OSBPL9: variants seen among roughly 807,000 people sequenced by gnomAD.
The protein encoded by OSBPL9 is oxysterol binding protein like 9.
A neutral mutation model predicts 106.6 loss-of-function variants in OSBPL9; 40 were observed. That is an observed-to-expected ratio of 0.38 (90% CI 0.29 to 0.49). The LOEUF is 0.49. Ranked by LOEUF, OSBPL9 falls within the 20% of genes least tolerant of loss-of-function variation. The pLI is 0.97. For missense variants in OSBPL9, 609 were observed against 887.2 expected, an observed-to-expected ratio of 0.69 and a Z score of 3.98; for synonymous variants, 269 against 295.4, an observed-to-expected ratio of 0.91 and a Z score of 0.92.
intron 4 of OSBPL9, among the ~76,000 whole-genome samples, chr1:51,738,686 A>C (rs947526616): frequency 6.6e-6 from 1 of 151,996 alleles, no homozygotes; most frequent in Non-Finnish European, 1.5e-5. Flanking sequence ...GAGTTCATCA[A>C]CTTATAGCTT....
At chr1:51,765,562 T>C (rs944936060) in intron 11 of OSBPL9, 7 of 239,616 alleles carry the variant, frequency 2.9e-5, no homozygotes, top group African/African-American at 1.6e-4. Flanking sequence ...CCCTTCCTAG[T>C]ATTAATGATA....
intron 3 of OSBPL9, among the ~76,000 whole-genome samples, chr1:51,674,197 T>A (rs1477031037): frequency 6.6e-6 from 1 of 151,968 alleles, no homozygotes; most frequent in Non-Finnish European, 1.5e-5. Context: ...TAGCTGGAAC[T>A]ACTAAAAAAA....
At chr1:51,683,472 G>A (rs1653061147) in intron 3 of OSBPL9, among the ~76,000 whole-genome samples, 1 of 151,706 alleles carries the variant, frequency 6.6e-6, no homozygotes, top group South Asian at 2.1e-4. Flanking sequence ...GAGCCACTGT[G>A]CCCAGCCGAG....
the OSBPL9 span, among the ~76,000 whole-genome samples, chr1:51,529,272 C>T: frequency 1.1e-4 from 16 of 151,624 alleles, no homozygotes; most frequent in African/African-American, 3.9e-4. Flanking sequence ...AAGAGTCTTG[C>T]TCTGTTGCCC....
chr1:51,581,093 A>T (rs1246948399), intron 1 of OSBPL9, among the ~76,000 whole-genome samples: 4 of 138,570 alleles, frequency 2.9e-5, no homozygotes, highest in East Asian at 4.2e-4. Context: ...TAATTTTTGT[A>T]TTTTTTTTTT....
chr1:51,589,689 C>G (rs997080461), intron 1 of OSBPL9, among the ~76,000 whole-genome samples: 1 of 151,730 alleles, frequency 6.6e-6, no homozygotes, highest in Non-Finnish European at 1.5e-5. Context: ...GTCTGAGAAA[C>G]AACAAGAAAG....
intron 3 of OSBPL9, among the ~76,000 whole-genome samples, chr1:51,703,546 A>C (rs1350102490): frequency 8.5e-5 from 13 of 152,318 alleles, no homozygotes; most frequent in Non-Finnish European, 1.8e-4. Flanking sequence ...TTTTGGGCTG[A>C]GACAATGGGG....
At chr1:51,533,003 A>C in the OSBPL9 span, among the ~76,000 whole-genome samples, 1 of 152,116 alleles carries the variant, frequency 6.6e-6, no homozygotes, top group East Asian at 1.9e-4. Context: ...ATTAAATGGT[A>C]ATTGGTAATT....
intron 1 of OSBPL9, among the ~76,000 whole-genome samples, chr1:51,643,200 CATTA>C (rs1233056913): frequency 6.6e-6 from 1 of 152,078 alleles, no homozygotes; most frequent in Non-Finnish European, 1.5e-5. Context: ...ACAGAGTCCT[CATTA>C]ATCTATTCAT....
rs1036616848 is a variant in OSBPL9 at position 51,617,320 on chromosome 1, G to C, written c.111+99G>C. The C allele has an allele frequency of 4.1e-6, 5 of 1,224,430 alleles. No individual in the cohort carries two copies. In the African/African-American group the frequency reaches 7.6e-5, roughly 19 times the overall value. 75.8% of individuals were successfully genotyped at this position (1,224,430 alleles called of 1,614,324 possible). A position where few individuals can be genotyped will look rare whatever the true frequency, so the allele number is the denominator to read the frequency against. On this transcript the variant is annotated intron_variant, in intron 1 of 23. Coordinates refer to ENST00000428468, the MANE Select transcript of OSBPL9 (RefSeq NM_024586.6). The stretch of plus-strand genomic sequence containing the variant: ...TTAGGTGGCTGAGTTGAGGTTGCTA[G>C]TCTGGGGGTGCCGCCGTACGCGAGG...
chr1:51,725,588 C>T (rs1198271233), intron 4 of OSBPL9, among the ~76,000 whole-genome samples: 3 of 152,154 alleles, frequency 2.0e-5, no homozygotes, highest in East Asian at 1.9e-4. Flanking sequence ...GGAGGGGAAA[C>T]ATTTTCAGTC....
chr1:51,609,735 C>T (rs1044087600), intron 2 of OSBPL9, among the ~76,000 whole-genome samples: 25 of 151,474 alleles, frequency 1.7e-4, no homozygotes, highest in Middle Eastern at 3.4e-3. Context: ...ATCCACTTGC[C>T]GGCTGAATGT....
At chr1:51,697,175 A>G (rs1412832424) in intron 3 of OSBPL9, among the ~76,000 whole-genome samples, 1 of 147,772 alleles carries the variant, frequency 6.8e-6, no homozygotes, top group Non-Finnish European at 1.5e-5. Context: ...AAAAGAAAAA[A>G]AAAAGAAAGA....
chr1:51,595,156 G>A (rs552891433), intron 1 of OSBPL9, among the ~76,000 whole-genome samples: 27 of 152,324 alleles, frequency 1.8e-4, no homozygotes, highest in African/African-American at 6.5e-4. Flanking sequence ...CACCACCGCT[G>A]AGAGCGCCGG....
At chr1:51,518,891 G>A in the OSBPL9 span, among the ~76,000 whole-genome samples, 1 of 151,604 alleles carries the variant, frequency 6.6e-6, no homozygotes, top group African/African-American at 2.4e-5. Flanking sequence ...GAGCCGGCCC[G>A]GCACCGGCAG....
At chr1:51,590,011 G>GC (rs1645265830) in intron 1 of OSBPL9, among the ~76,000 whole-genome samples, 1 of 121,444 alleles carries the variant, frequency 8.2e-6, no homozygotes, top group South Asian at 2.6e-4. Context: ...CCAGCCCAGG[G>GC]AACAGTGTGA....
In OSBPL9 at chr1:51,784,519, A is replaced by G. The variant is rs1189669192; in HGVS notation, c.1766A>G (p.Asn589Ser). ...TGTTCCAAAACAGGCTATAGTGCAA[A>G]TATCATCTTCCACACTAAACCCTTC... is the stretch of plus-strand genomic sequence containing the variant. The part of the protein sequence containing the change: ...INCSKTGYSA[N>S]IIFHTKPFYG... Residue 589 changes from asparagine to serine, a missense_variant, in exon 20 of 24, where the codon AAT becomes AGT. By Grantham distance (46) the Asn-to-Ser change is conservative (BLOSUM62 1). This residue lies in a region of OSBPL9 where 19 missense variants were observed against 60.9 expected (regional missense o/e 0.31). Coordinates refer to ENST00000428468, the MANE Select transcript of OSBPL9 (RefSeq NM_024586.6). 3.1e-6 allele frequency: 5 copies of G among 1,613,594 alleles called. No individual in the cohort carries two copies. The highest frequency in any genetic ancestry group is 4.2e-6 in the Non-Finnish European group (5 of 1,179,602).
chr1:51,787,757 T>C lies in OSBPL9; in HGVS notation c.2179T>C (p.Leu727=), dbSNP rs769929958. 2.0e-5 allele frequency: 33 copies of C among 1,613,454 alleles called. No individual in the cohort carries two copies. Among genetic ancestry groups the C allele is most frequent in the African/African-American group, 6.7e-5 (5 of 74,912 alleles). ...AGAATGCTGGGTTTATGATGAACCA[T>C]TACTGAAACGTCTTGGTGCTGCCAA... is the stretch of plus-strand genomic sequence containing the variant. ...DGECWVYDEP[L]LKRLGAAKH is the part of the protein sequence containing the mutation. The change falls in exon 24 of 24, where the codon TTA becomes CTA. Residue 727 remains leucine, a synonymous_variant. Coordinates refer to ENST00000428468, the MANE Select transcript of OSBPL9 (RefSeq NM_024586.6).
At chr1:51,549,707 C>T in the OSBPL9 span, among the ~76,000 whole-genome samples, 6 of 152,312 alleles carry the variant, frequency 3.9e-5, no homozygotes, top group East Asian at 1.2e-3. Context: ...TGGCACACGC[C>T]TGTACTCCCA....
Sources: gnomAD v4.1 joint callset for allele counts (sites outside exome capture counted in the v4.1 genomes callset) on GRCh38, gnomAD v4.1.1 for gene constraint, gnomAD v4.1.1 regional missense constraint, MANE v1.5 for transcripts, NCBI Gene and HGNC (gene_info 2026-07-23, HGNC 2026-07-21) for gene names.